The following PRKG1 variants were observed in gnomAD, a reference collection of about 807,000 sequenced individuals.
PRKG1 encodes protein kinase cGMP-dependent 1.
A neutral mutation model predicts 88.1 loss-of-function variants in PRKG1; 35 were observed. The ratio of observed to expected loss-of-function variants is 0.40; its 90% CI spans 0.30 to 0.53. The LOEUF (loss-of-function observed/expected upper bound fraction) is 0.53. Among genes scored for constraint, PRKG1 ranks in the 20% least tolerant of loss-of-function variants. The pLI is 0.59. For missense variants in PRKG1, 540 were observed against 839.8 expected (o/e 0.64, Z 4.41); for synonymous variants, 303 against 292.5 (o/e 1.04, Z -0.37).
intron 4 of PRKG1, among the ~76,000 whole-genome samples, chr10:51,875,333 G>A (rs1222652575): frequency 6.6e-6 from 1 of 151,596 alleles, no homozygotes; most frequent in African/African-American, 2.4e-5. Flanking sequence ...TACTGCACAT[G>A]AGAATCTTAA....
intron 12 of PRKG1, among the ~76,000 whole-genome samples, chr10:52,273,289 T>C (rs921602588): frequency 7.9e-5 from 12 of 152,082 alleles, no homozygotes; most frequent in Non-Finnish European, 1.5e-4. Flanking sequence ...ATCTTTTGAT[T>C]ATTTTCCATG....
At chr10:52,224,353 C>T (rs1327842491) in intron 9 of PRKG1, among the ~76,000 whole-genome samples, 1 of 152,146 alleles carries the variant, frequency 6.6e-6, no homozygotes, top group East Asian at 1.9e-4. Flanking sequence ...ATCTCCTTCT[C>T]AATTGGACCT....
intron 5 of PRKG1, among the ~76,000 whole-genome samples, chr10:52,043,858 A>C (rs1245386452): frequency 1.3e-5 from 2 of 151,372 alleles, no homozygotes; most frequent in East Asian, 3.9e-4. Flanking sequence ...TGGAAAAAAA[A>C]ACCAAGGATT....
intron 5 of PRKG1, among the ~76,000 whole-genome samples, chr10:51,963,631 A>G (rs1384808245): frequency 6.6e-6 from 1 of 151,854 alleles, no homozygotes; most frequent in African/African-American, 2.4e-5. Context: ...TATTTTTAGT[A>G]GAGATGGGGT....
intron 2 of PRKG1, among the ~76,000 whole-genome samples, chr10:51,286,193 A>T (rs575813043): frequency 6.6e-6 from 1 of 151,700 alleles, no homozygotes; most frequent in South Asian, 2.1e-4. Flanking sequence ...CTGGTCTTGA[A>T]CTCCCGGCCT....
chr10:51,892,240 A>T (rs1272017871), intron 4 of PRKG1, among the ~76,000 whole-genome samples: 1 of 152,214 alleles, frequency 6.6e-6, no homozygotes, highest in Non-Finnish European at 1.5e-5. Flanking sequence ...AATTTCTTTT[A>T]GCAAATAAAG....
At chr10:51,628,031 T>C (rs868738458) in intron 3 of PRKG1, among the ~76,000 whole-genome samples, 6 of 120,532 alleles carry the variant, frequency 5.0e-5, no homozygotes, top group Non-Finnish European at 9.5e-5. Flanking sequence ...TCTTTCTTTC[T>C]TTCTTTCCTT....
chr10:51,903,535 A>G (rs1842024019), intron 4 of PRKG1, among the ~76,000 whole-genome samples: 2 of 152,160 alleles, frequency 1.3e-5, no homozygotes, highest in African/African-American at 2.4e-5. Flanking sequence ...AGAAGAATAC[A>G]TGGATTGAGA....
chr10:51,926,751 T>TTG (rs1491506021), intron 5 of PRKG1, among the ~76,000 whole-genome samples: 2 of 28,384 alleles, frequency 7.0e-5, no homozygotes, highest in Admixed American at 6.1e-4. Flanking sequence ...CCTAGCATAG[T>TTG]TTTTTTTTTT....
chr10:51,852,436 T>A (rs1214234025), intron 4 of PRKG1, among the ~76,000 whole-genome samples: 1 of 151,750 alleles, frequency 6.6e-6, no homozygotes, highest in Non-Finnish European at 1.5e-5. Context: ...CTGTTGCAGC[T>A]GCAGGTCCTG....
chr10:52,219,055 G>T lies in PRKG1; in HGVS notation c.1077-32515G>T, dbSNP rs377287928. Among the ~76,000 whole-genome samples the T allele has an allele frequency of 7.9e-5, 12 of 152,168 alleles. No individual in the cohort carries two copies. In the East Asian group the frequency reaches 9.7e-4, roughly 12 times the overall value. On this transcript the variant is annotated intron_variant, in intron 9 of 17. Coordinates refer to ENST00000373980, the MANE Select transcript of PRKG1 (RefSeq NM_006258.4). ...TTAAAAAGGAAAAACAAAGAAAGAA[G>T]TACATTCCCTTGTGGGACTTTTTTG...
Position 51,358,426 on chromosome 10 carries a change from T to A in PRKG1, c.479-109297T>A, listed in dbSNP as rs986425324. Among the ~76,000 whole-genome samples the A allele has an allele frequency of 2.6e-5, 4 of 151,894 alleles. No individual in the cohort carries two copies. In the South Asian group the frequency reaches 8.3e-4, roughly 31 times the overall value. On this transcript the variant is annotated intron_variant, in intron 2 of 17. Coordinates refer to ENST00000373980, the MANE Select transcript of PRKG1 (RefSeq NM_006258.4). ...GACACAACTCTCAAGTGTCAAGGAA[T>A]GACAGGGTCTAAAGGAATGTCAGTG... is the stretch of plus-strand genomic sequence containing the variant.
chr10:51,819,124 A>T (rs376699556), intron 4 of PRKG1, among the ~76,000 whole-genome samples: 2 of 151,314 alleles, frequency 1.3e-5, no homozygotes, highest in Admixed American at 1.3e-4. Flanking sequence ...GAAGCATGAT[A>T]CCTGCATCTG....
rs1398467556 is a variant in PRKG1 at position 51,650,526 on chromosome 10, T to C, written c.593-154059T>C. 2.0e-5 allele frequency among the ~76,000 whole-genome samples: 3 copies of C among 152,208 alleles called. No individual in the cohort carries two copies. In the East Asian group the frequency reaches 5.8e-4, roughly 29 times the overall value. ...GTTCTTAGAGTATTAAAGAATTCAGTGTTGACTTTCAAACTATTATCTTTG... is the reference window on the plus strand; with the variant it reads ...GTTCTTAGAGTATTAAAGAATTCAGCGTTGACTTTCAAACTATTATCTTTG... On this transcript the variant is annotated intron_variant, in intron 3 of 17. Coordinates refer to ENST00000373980, the MANE Select transcript of PRKG1 (RefSeq NM_006258.4).
chr10:51,025,276 A>G (rs1843190612), intron 1 of PRKG1, among the ~76,000 whole-genome samples: 2 of 152,180 alleles, frequency 1.3e-5, no homozygotes, highest in African/African-American at 2.4e-5. Context: ...CAGGCTTGAC[A>G]GTTGCATTGA....
At chr10:51,074,296 C>A, upstream of PRKG1, 1 of 400,592 alleles carries the variant, frequency 2.5e-6, no homozygotes, top group South Asian at 5.3e-5. Context: ...CTCTTCTCCC[C>A]CGCGCCGCGG....
chr10:51,788,188 T>G (rs555634833), intron 3 of PRKG1, among the ~76,000 whole-genome samples: 1 of 152,172 alleles, frequency 6.6e-6, no homozygotes, highest in Non-Finnish European at 1.5e-5. Flanking sequence ...AAAATACAGA[T>G]TCCACTGTGT....
At chr10:51,037,316 A>G (rs1312244610) in intron 1 of PRKG1, among the ~76,000 whole-genome samples, 1 of 151,744 alleles carries the variant, frequency 6.6e-6, no homozygotes, top group Non-Finnish European at 1.5e-5. Flanking sequence ...AAAAAAATAA[A>G]AAATTAGTAT....
intron 2 of PRKG1, among the ~76,000 whole-genome samples, chr10:51,335,236 C>T (rs1467420458): frequency 1.3e-5 from 2 of 151,692 alleles, no homozygotes; most frequent in African/African-American, 4.8e-5. Flanking sequence ...TCTTAATTCC[C>T]CCAAATTTTA....
Sources: allele counts gnomAD v4.1 joint callset (sites outside exome capture counted in the v4.1 genomes callset), GRCh38; gene constraint gnomAD v4.1.1; transcripts MANE v1.5; gene names NCBI Gene and HGNC (gene_info 2026-07-23, HGNC 2026-07-21).